Variants in MFN1 observed in about 807,000 individuals in gnomAD.
MFN1 encodes the protein mitofusin-1.
MFN1 carries 65 observed loss-of-function variants against 92.4 expected under a neutral mutation model. The ratio of observed to expected loss-of-function variants is 0.70; its 90% CI spans 0.58 to 0.86. MFN1 has a LOEUF of 0.86. Ranked by LOEUF, MFN1 falls within the 40% of genes least tolerant of loss-of-function variation. MFN1 has a pLI of 0.00. For synonymous variants in MFN1, 297 were observed against 300.9 expected, an observed-to-expected ratio of 0.99 and a Z score of 0.13; for missense variants, 781 against 868.0, an observed-to-expected ratio of 0.90 and a Z score of 1.26.
chr3:179,377,872 G>A (rs1713304754), intron 12 of MFN1, among the ~76,000 whole-genome samples: 1 of 152,000 alleles, frequency 6.6e-6, no homozygotes, highest in Non-Finnish European at 1.5e-5. Flanking sequence ...AGACCAGCCT[G>A]ACCAACATGG....
chr3:179,372,133 TCACA>T (rs1713049047), intron 9 of MFN1, among the ~76,000 whole-genome samples: 2 of 147,572 alleles, frequency 1.4e-5, no homozygotes, highest in Admixed American at 1.4e-4. Context: ...ATATATGCCC[TCACA>T]CAGGAGAGAG....
intron 10 of MFN1, among the ~76,000 whole-genome samples, 167 bp downstream of exon 10, chr3:179,375,508 C>T (rs139084917): frequency 1.6e-4 from 24 of 152,262 alleles, no homozygotes; most frequent in African/African-American, 5.3e-4. Flanking sequence ...TTGAAAGTGT[C>T]GATATTTATT....
At chr3:179,389,858 TCTTC>T (rs1713834604) in intron 16 of MFN1, 142 bp from the exon 17 acceptor site, 1 of 677,986 alleles carries the variant, frequency 1.5e-6, no homozygotes, top group African/African-American at 1.9e-5. Context: ...TAGTGCCATA[TCTTC>T]CCTCTTATCA....
intron 7 of MFN1, among the ~76,000 whole-genome samples, chr3:179,366,909 ACCCAACCTTAACTC>A (rs1025609384): frequency 2.6e-4 from 39 of 152,100 alleles, no homozygotes; most frequent in African/African-American, 8.5e-4. Flanking sequence ...AATGCATTCT[ACCCAACCTTAACTC>A]CCCAACCTTA....
chr3:179,383,924 C>A (rs1713572933), intron 14 of MFN1, among the ~76,000 whole-genome samples: 1 of 152,078 alleles, frequency 6.6e-6, no homozygotes, highest in South Asian at 2.1e-4. Flanking sequence ...AAAACCATCA[C>A]CACAATTTAG....
chr3:179,358,920 A>T lies in MFN1; in HGVS notation c.329A>T (p.Asn110Ile). 1.9e-6 allele frequency: 3 copies of T among 1,614,064 alleles called. No individual in the cohort carries two copies. The highest frequency in any genetic ancestry group is 2.5e-6 in the Non-Finnish European group (3 of 1,179,992). ...VLPSGIGHIT[N>I]CFLSVEGTDG... The stretch of plus-strand genomic sequence containing the variant: ...CCTAGTGGGATTGGCCATATAACCA[A>T]TTGCTTCCTAAGTGTTGAAGGAACT... The change falls in exon 4 of 18, where the codon AAT becomes ATT. Residue 110 changes from asparagine (N) to isoleucine (I), a missense_variant. Coordinates refer to ENST00000471841, the MANE Select transcript of MFN1 (RefSeq NM_033540.3).
Position 179,378,448 on chromosome 3 carries a change from T to C in MFN1, c.1432+5T>C, listed in dbSNP as rs766071042. ...AGACCCAGCAAGAAATTATTGGTAA[T>C]ATTTATGTCTACAAGGTCATGTCTG... On this transcript the variant is annotated splice_donor_5th_base_variant and intron_variant, in intron 13 of 17. Coordinates refer to ENST00000471841, the MANE Select transcript of MFN1 (RefSeq NM_033540.3). 2.5e-6 allele frequency: 4 copies of C among 1,585,182 alleles called. No individual in the cohort carries two copies. Among genetic ancestry groups the C allele is most frequent in the Non-Finnish European group, 3.4e-6 (4 of 1,169,540 alleles).
In MFN1 at chr3:179,392,124, T is replaced by C; in HGVS notation, c.*65T>C. On this transcript the variant is annotated 3_prime_UTR_variant, in exon 18 of 18. Transcript: ENST00000471841. ...AAACTTGTAAGATTGGAACAGTTGT[T>C]ATTTTTATGAAATTACTTTAAATAT... The C allele has an allele frequency of 9.6e-7, 1 of 1,045,374 alleles. No homozygotes were observed. Among genetic ancestry groups the C allele is most frequent in the South Asian group, 1.4e-5 (1 of 72,944 alleles). The allele number at this position is 1,045,374 out of a possible 1,614,324, so 64.8% of individuals were successfully genotyped here. A position where few individuals can be genotyped will look rare whatever the true frequency, so the allele number is the denominator to read the frequency against.
Position 179,367,514 on chromosome 3 carries a change from C to A in MFN1, c.829C>A (p.Gln277Lys). 2 of 1,613,790 alleles carry A rather than the reference C, an allele frequency of 1.2e-6. No homozygotes were observed. Among genetic ancestry groups the A allele is most frequent in the Non-Finnish European group, 1.7e-6 (2 of 1,179,854 alleles). The change falls in exon 8 of 18, where the codon CAG becomes AAG. Residue 277 changes from glutamine (Q) to lysine (K), a missense_variant. Gln to Lys is a moderately conservative substitution (Grantham distance 53). Transcript: ENST00000471841. The stretch of plus-strand genomic sequence containing the variant: ...CAAAGTTGTAAATGCTTTAGAAGCA[C>A]AGAATCGTATCTTCTTTGTTTCAGC... Reference protein sequence around the residue: ...ELKVVNALEAQNRIFFVSAKE... With the variant: ...ELKVVNALEAKNRIFFVSAKE...
chr3:179,382,232 C>G (rs1473834312), intron 14 of MFN1, among the ~76,000 whole-genome samples: 1 of 152,138 alleles, frequency 6.6e-6, no homozygotes, highest in Non-Finnish European at 1.5e-5. Context: ...TCCTCCCATC[C>G]CACAACAGGC....
Position 179,365,236 on chromosome 3 carries a change from A to AT in MFN1, c.753+22dup, listed in dbSNP as rs753563355. The AT allele has an allele frequency of 0.039, 43,906 of 1,112,350 alleles. No individual in the cohort carries two copies. The highest frequency in any genetic ancestry group is 0.05 in the South Asian group (2,645 of 53,434). The allele number at this position is 1,112,350 out of a possible 1,614,324, so 68.9% of individuals were successfully genotyped here. On this transcript the variant is annotated intron_variant, in intron 7 of 17. Transcript: ENST00000471841. ...GAATATATGGAAGACGTAAGTTGTT[A>AT]TTTTTTTTTTTGTAGGTTTTGAAAT...
intron 10 of MFN1, 193 bp from the exon 11 acceptor site, chr3:179,376,847 AAC>A (rs1713258430): frequency 2.4e-6 from 1 of 424,760 alleles, no homozygotes; most frequent in Non-Finnish European, 4.2e-6. Context: ...TGGGCAGAGA[AAC>A]GTGGTTTCTA....
At chr3:179,371,000 C>G (rs2108541227) in intron 9 of MFN1, among the ~76,000 whole-genome samples, 1 of 152,224 alleles carries the variant, frequency 6.6e-6, no homozygotes, top group South Asian at 2.1e-4. Context: ...CACACATTTT[C>G]TCTGTTTTGG....
At chr3:179,390,905 A>G (rs1054600259) in intron 17 of MFN1, among the ~76,000 whole-genome samples, 8 of 152,180 alleles carry the variant, frequency 5.3e-5, no homozygotes, top group Admixed American at 4.6e-4. Context: ...TGTACTTAAA[A>G]CATCCATAGT....
chr3:179,358,157 T>TTG (rs200452028), intron 3 of MFN1, among the ~76,000 whole-genome samples: 1 of 140,940 alleles, frequency 7.1e-6, no homozygotes, highest in Admixed American at 6.9e-5. Context: ...TTTGTTTTTT[T>TTG]TTTTTTTTTT....
chr3:179,389,231 GTTA>G (rs1713808649), intron 16 of MFN1, among the ~76,000 whole-genome samples: 1 of 151,964 alleles, frequency 6.6e-6, no homozygotes, highest in Non-Finnish European at 1.5e-5. Context: ...TTTTCATCTA[GTTA>G]AGATACTTGG....
intron 9 of MFN1, among the ~76,000 whole-genome samples, chr3:179,373,534 A>G (rs1172760375): frequency 6.6e-6 from 1 of 152,190 alleles, no homozygotes; most frequent in African/African-American, 2.4e-5. Flanking sequence ...CCTAATTTTT[A>G]AAAAATTTAT....
Position 179,375,243 on chromosome 3 carries a change from G to A in MFN1, c.999G>A (p.Val333=). 1 of 1,613,644 alleles carries A rather than the reference G, an allele frequency of 6.2e-7. No homozygotes were observed. Among genetic ancestry groups the A allele is most frequent in the Non-Finnish European group, 8.5e-7 (1 of 1,179,812 alleles). The part of the protein sequence containing the change: ...IFEECISQSA[V]KTKFEQHTIR... ...AGGAGTGTATCTCGCAGTCAGCAGT[G>A]AAAACAAAGTTCGAACAGCACACTA... Residue 333 remains valine, a synonymous_variant, in exon 10 of 18, where the codon GTG becomes GTA. Coordinates refer to ENST00000471841, the MANE Select transcript of MFN1 (RefSeq NM_033540.3).
rs796503806 is a variant in MFN1 at position 179,364,379 on chromosome 3, A to G, written c.619A>G (p.Asn207Asp). ...LDADVFVLVA[N>D]SESTLMNTEK... ...TGCTGATGTCTTTGTTTTGGTCGCA[A>G]ACTCTGAATCAACACTAATGAATAC... Residue 207 changes from asparagine (N) to aspartate (D), a missense_variant, in exon 6 of 18, where the codon AAC becomes GAC. Coordinates refer to ENST00000471841, the MANE Select transcript of MFN1 (RefSeq NM_033540.3). The G allele has an allele frequency of 3.1e-6, 5 of 1,613,044 alleles. No individual in the cohort carries two copies. In the Admixed American group the frequency reaches 8.3e-5, roughly 27 times the overall value.
Sources: gnomAD v4.1 joint callset for allele counts (sites outside exome capture counted in the v4.1 genomes callset) on GRCh38, gnomAD v4.1.1 for gene constraint, MANE v1.5 for transcripts, NCBI Gene and HGNC (gene_info 2026-07-23, HGNC 2026-07-21) for gene names.